Variants in FAM83B observed in about 807,000 individuals in gnomAD.
The protein encoded by FAM83B is protein FAM83B.
In FAM83B, 26 loss-of-function variants were observed where a neutral mutation model predicts 38.8. The observed-to-expected ratio is 0.67, with a 90% confidence interval of 0.49 to 0.93. The LOEUF (loss-of-function observed/expected upper bound fraction) is 0.93, where lower values mean the gene tolerates loss of function less well. Ranked by LOEUF, FAM83B falls within the 40% of genes least tolerant of loss-of-function variation. The pLI, the probability that FAM83B is intolerant of heterozygous loss-of-function variation, is 0.00. For missense variants in FAM83B, 1,237 were observed against 1,197.3 expected, an observed-to-expected ratio of 1.03 and a Z score of -0.49; for synonymous variants, 419 against 423.1, an observed-to-expected ratio of 0.99 and a Z score of 0.12.
At chr6:54,924,268 C>G (rs1773237863) in intron 2 of FAM83B, among the ~76,000 whole-genome samples, 1 of 151,660 alleles carries the variant, frequency 6.6e-6, no homozygotes, top group Non-Finnish European at 1.5e-5. Flanking sequence ...TAGATTGAGT[C>G]TCTATCTTAA....
intron 2 of FAM83B, among the ~76,000 whole-genome samples, chr6:54,888,611 TCTGA>T (rs1772332141): frequency 6.6e-6 from 1 of 152,064 alleles, no homozygotes; most frequent in African/African-American, 2.4e-5. Context: ...TGTAAACTCT[TCTGA>T]CTTTTATTGT....
intron 2 of FAM83B, among the ~76,000 whole-genome samples, chr6:54,921,573 A>G (rs1181387551): frequency 6.6e-6 from 1 of 151,980 alleles, no homozygotes; most frequent in East Asian, 1.9e-4. Flanking sequence ...TCGAATTATA[A>G]TGCAAGAATT....
chr6:54,903,563 A>G (rs911041471), intron 2 of FAM83B, among the ~76,000 whole-genome samples: 2 of 152,042 alleles, frequency 1.3e-5, no homozygotes, highest in East Asian at 1.9e-4. Context: ...GCATCTTTTT[A>G]TATGTTTCTT....
At chr6:54,873,275 A>T (rs1025083041) in intron 2 of FAM83B, among the ~76,000 whole-genome samples, 1 of 152,140 alleles carries the variant, frequency 6.6e-6, no homozygotes, top group African/African-American at 2.4e-5. Context: ...ATTTTGGAAG[A>T]TTCTTTATAT....
In FAM83B at chr6:54,870,274, T is replaced by C. The variant is rs775004920; in HGVS notation, c.28T>C (p.Leu10=). 13 of 1,613,646 alleles carry C rather than the reference T, an allele frequency of 8.1e-6. No individual in the cohort carries two copies. Among genetic ancestry groups the C allele is most frequent in the South Asian group, 4.4e-5 (4 of 91,072 alleles). The part of the protein sequence containing the change: METSSMLSS[L]NDECKSDNYI... ...GGAGACCTCATCAATGCTTTCCTCA[T>C]TGAATGATGAGTGTAAATCTGACAA... is the stretch of plus-strand genomic sequence containing the variant. Residue 10 remains leucine (L), a synonymous_variant, in exon 2 of 5, where the codon TTG becomes CTG. Coordinates refer to ENST00000306858, the MANE Select transcript of FAM83B (RefSeq NM_001010872.3).
intron 2 of FAM83B, among the ~76,000 whole-genome samples, chr6:54,875,130 G>T (rs1449542257): frequency 6.6e-6 from 1 of 152,094 alleles, no homozygotes; most frequent in Non-Finnish European, 1.5e-5. Context: ...TTTAGGAAAA[G>T]ATATGAAGCA....
chr6:54,913,271 T>C (rs887270993), intron 2 of FAM83B, among the ~76,000 whole-genome samples: 2 of 152,114 alleles, frequency 1.3e-5, no homozygotes, highest in Non-Finnish European at 2.9e-5. Context: ...CAATCTTCTC[T>C]TTACATGTGG....
At chr6:54,851,858 G>C (rs1037845285) in intron 1 of FAM83B, among the ~76,000 whole-genome samples, 1 of 151,428 alleles carries the variant, frequency 6.6e-6, no homozygotes, top group Non-Finnish European at 1.5e-5. Context: ...CGTTTTAGCC[G>C]GGATGGTCTC....
At chr6:54,883,007 G>A (rs1258253629) in intron 2 of FAM83B, among the ~76,000 whole-genome samples, 18 of 151,922 alleles carry the variant, frequency 1.2e-4, no homozygotes, top group South Asian at 2.1e-4. Context: ...GCAGTGGCGC[G>A]ATCTCAGCTC....
At chr6:54,850,516 T>G (rs1771246876) in intron 1 of FAM83B, among the ~76,000 whole-genome samples, 1 of 152,214 alleles carries the variant, frequency 6.6e-6, no homozygotes, top group African/African-American at 2.4e-5. Flanking sequence ...TTTGATTACA[T>G]AAACATTACT....
In FAM83B at chr6:54,939,856, G is replaced by A. The variant is rs1773617588; in HGVS notation, c.885G>A (p.Lys295=). The A allele has an allele frequency of 6.2e-7, 1 of 1,613,990 alleles. No homozygotes were observed. The highest frequency in any genetic ancestry group is 1.3e-5 in the African/African-American group (1 of 75,008). The change falls in exon 5 of 5, where the codon AAG becomes AAA. Residue 295 remains lysine (K), a synonymous_variant. Coordinates refer to ENST00000306858, the MANE Select transcript of FAM83B (RefSeq NM_001010872.3). ...SFAQEESARV[K]HGKALWENGT... The stretch of plus-strand genomic sequence containing the variant: ...CTCAGGAAGAATCAGCAAGGGTGAA[G>A]CATGGAAAAGCCCTCTGGGAAAATG...
chr6:54,876,499 A>G (rs962766629), intron 2 of FAM83B, among the ~76,000 whole-genome samples: 3 of 150,274 alleles, frequency 2.0e-5, no homozygotes, highest in African/African-American at 7.4e-5. Context: ...TCATTTTTGT[A>G]TTTTCAGTAG....
intron 2 of FAM83B, among the ~76,000 whole-genome samples, chr6:54,906,758 T>G (rs1280704305): frequency 6.6e-6 from 1 of 152,170 alleles, no homozygotes; most frequent in Non-Finnish European, 1.5e-5. Flanking sequence ...GACAAGTTAT[T>G]TACCATTCTC....
intron 2 of FAM83B, among the ~76,000 whole-genome samples, chr6:54,871,543 A>C: frequency 7.2e-6 from 1 of 138,632 alleles, no homozygotes; most frequent in Non-Finnish European, 1.5e-5. Context: ...ACATAGCAAA[A>C]CCTCGTCTCT....
intron 2 of FAM83B, among the ~76,000 whole-genome samples, chr6:54,878,718 T>C (rs1772056154): frequency 6.6e-6 from 1 of 152,176 alleles, no homozygotes; most frequent in Admixed American, 6.6e-5. Flanking sequence ...TTGGCTATGA[T>C]TCCTGTAAAT....
At chr6:54,929,748 C>A (rs2127589392) in intron 4 of FAM83B, among the ~76,000 whole-genome samples, 1 of 152,134 alleles carries the variant, frequency 6.6e-6, no homozygotes, top group East Asian at 1.9e-4. Context: ...AAGCCCCCAG[C>A]CAGGAACTCG....
chr6:54,883,718 CAT>C (rs1229095023), intron 2 of FAM83B, among the ~76,000 whole-genome samples: 1 of 150,364 alleles, frequency 6.7e-6, no homozygotes, highest in African/African-American at 2.4e-5. Flanking sequence ...TTGTCAGACA[CAT>C]GTTGCAAATA....
At chr6:54,925,812 G>A (rs1397194470) in intron 2 of FAM83B, among the ~76,000 whole-genome samples, 1 of 152,040 alleles carries the variant, frequency 6.6e-6, no homozygotes, top group Non-Finnish European at 1.5e-5. Context: ...ATATGCAGAG[G>A]TCCTGGAACC....
chr6:54,905,150 G>A (rs1772750642), intron 2 of FAM83B, among the ~76,000 whole-genome samples: 1 of 152,056 alleles, frequency 6.6e-6, no homozygotes, highest in Admixed American at 6.6e-5. Flanking sequence ...GGGTCAGCAG[G>A]GAGAATTTAT....
Sources: gnomAD v4.1 joint callset for allele counts (sites outside exome capture counted in the v4.1 genomes callset) on GRCh38, gnomAD v4.1.1 for gene constraint, MANE v1.5 for transcripts, NCBI Gene and HGNC (gene_info 2026-07-23, HGNC 2026-07-21) for gene names.